NEGR1: variants seen among roughly 807,000 people sequenced by gnomAD.
The protein encoded by NEGR1 is neuronal growth regulator 1, also known as IgLON family member 4.
Under a neutral mutation model 40.9 loss-of-function variants are expected in NEGR1, and 10 were observed. The ratio of observed to expected loss-of-function variants is 0.24; its 90% CI spans 0.15 to 0.42. NEGR1 has a LOEUF of 0.42. Ranked by LOEUF, NEGR1 falls within the 10% of genes least tolerant of loss-of-function variation. The pLI is 1.00. For missense variants in NEGR1, 352 were observed against 438.9 expected, an observed-to-expected ratio of 0.80 and a Z score of 1.77; for synonymous variants, 185 against 166.8, an observed-to-expected ratio of 1.11 and a Z score of -0.84.
intron 4 of NEGR1, among the ~76,000 whole-genome samples, chr1:71,655,816 G>A (rs965654832): frequency 6.6e-6 from 1 of 152,160 alleles, no homozygotes; most frequent in Non-Finnish European, 1.5e-5. Flanking sequence ...AGGCATCACA[G>A]AGGGAAAGTA....
chr1:71,782,360 A>AT (rs1247105868), intron 2 of NEGR1, among the ~76,000 whole-genome samples: 1 of 152,214 alleles, frequency 6.6e-6, no homozygotes, highest in Non-Finnish European at 1.5e-5. Flanking sequence ...AGTTTATGGC[A>AT]TTTTTTATAG....
chr1:72,143,282 C>T lies in NEGR1; in HGVS notation c.176+139037G>A, dbSNP rs931923656. ...TGCCAGCAATTATTTTTACTAAGTC[C>T]GAACCCCAGAATATGATAAAGTTTT... On this transcript the variant is annotated intron_variant, in intron 1 of 6. Coordinates refer to ENST00000357731, the MANE Select transcript of NEGR1 (RefSeq NM_173808.3). 1.7e-4 allele frequency among the ~76,000 whole-genome samples: 26 copies of T among 151,812 alleles called. 1 individual carries two copies. In the East Asian group the frequency reaches 3.1e-3, roughly 18 times the overall value.
At chr1:72,252,790 A>G (rs1334595243) in intron 1 of NEGR1, among the ~76,000 whole-genome samples, 1 of 152,204 alleles carries the variant, frequency 6.6e-6, no homozygotes, top group Non-Finnish European at 1.5e-5. Context: ...AAAGCAGTAT[A>G]TGATTTATAC....
Position 71,841,076 on chromosome 1 carries a change from C to CTA in NEGR1, c.410-64781_410-64780dup, listed in dbSNP as rs1018843572. 5.1e-4 allele frequency among the ~76,000 whole-genome samples: 78 copies of CTA among 151,626 alleles called. 1 individual carries two copies. Among genetic ancestry groups the CTA allele is most frequent in the African/African-American group, 1.8e-3 (74 of 41,350 alleles). ...TTAAGGTATATCTCTTTCTCTCTCT[C>CTA]TATATATATACACATCCTATTAGTT... On this transcript the variant is annotated intron_variant, in intron 2 of 6. Transcript: ENST00000357731.
intron 1 of NEGR1, among the ~76,000 whole-genome samples, chr1:72,117,385 G>A (rs955669431): frequency 2.0e-5 from 3 of 151,784 alleles, no homozygotes; most frequent in Non-Finnish European, 4.4e-5. Context: ...TACCAGCAGT[G>A]TTCTGAACAC....
At chr1:71,818,627 C>A (rs1460829437) in intron 2 of NEGR1, among the ~76,000 whole-genome samples, 1 of 151,952 alleles carries the variant, frequency 6.6e-6, no homozygotes, top group African/African-American at 2.4e-5. Context: ...CACCAAACTT[C>A]TGTGAAGTGC....
intron 1 of NEGR1, among the ~76,000 whole-genome samples, chr1:72,107,646 T>C (rs1213906557): frequency 6.6e-6 from 1 of 151,470 alleles, no homozygotes; most frequent in African/African-American, 2.4e-5. Context: ...AATGTGTTTA[T>C]TTAAATAAAT....
At chr1:71,549,677 GC>G (rs1648012884) in intron 6 of NEGR1, among the ~76,000 whole-genome samples, 1 of 151,688 alleles carries the variant, frequency 6.6e-6, no homozygotes, top group African/African-American at 2.4e-5. Flanking sequence ...AAAACCCAAA[GC>G]CCCATGCTCT....
chr1:71,989,648 G>A (rs11802650), intron 1 of NEGR1, among the ~76,000 whole-genome samples: 23,394 of 151,942 alleles, frequency 0.15, 2,046 homozygotes, highest in African/African-American at 0.24. Flanking sequence ...AAGCATATGT[G>A]TGACCATAAA....
intron 6 of NEGR1, chr1:71,407,798 C>A: frequency 4.4e-6 from 2 of 458,586 alleles, no homozygotes; most frequent in Non-Finnish European, 4.0e-6. Flanking sequence ...ATAATAGAAT[C>A]CACCTCACAG....
intron 1 of NEGR1, among the ~76,000 whole-genome samples, chr1:71,946,845 T>C (rs1480189170): frequency 6.6e-6 from 1 of 151,884 alleles, no homozygotes; most frequent in Non-Finnish European, 1.5e-5. Flanking sequence ...TGTCCAGCAC[T>C]TTGGAAGGCT....
At chr1:71,707,857 G>A (rs566004145) in intron 3 of NEGR1, among the ~76,000 whole-genome samples, 1 of 152,278 alleles carries the variant, frequency 6.6e-6, no homozygotes, top group Admixed American at 6.5e-5. Context: ...AAGAGCTTCT[G>A]TCTGGCAATT....
chr1:72,151,656 A>T (rs933686884), intron 1 of NEGR1, among the ~76,000 whole-genome samples: 2 of 151,878 alleles, frequency 1.3e-5, no homozygotes, highest in African/African-American at 4.8e-5. Context: ...TCAACGGGAA[A>T]TATAATAATT....
chr1:71,438,724 G>C (rs967347657), intron 6 of NEGR1, among the ~76,000 whole-genome samples: 2 of 152,208 alleles, frequency 1.3e-5, no homozygotes, highest in African/African-American at 4.8e-5. Flanking sequence ...AAGAAGCCTA[G>C]TAATCTTACA....
Position 71,909,420 on chromosome 1 carries a change from C to T in NEGR1, c.409+25659G>A, listed in dbSNP as rs1011500206. On this transcript the variant is annotated intron_variant, in intron 2 of 6. Transcript: ENST00000357731. Reference sequence around the variant, plus strand: ...CTAAACCATAGCCTTTTAATGTTTCCGGTGTTCGTTGAATGTGATTGCTTT... The same window carrying T: ...CTAAACCATAGCCTTTTAATGTTTCTGGTGTTCGTTGAATGTGATTGCTTT... Among the ~76,000 whole-genome samples, 10 of 152,058 alleles carry T rather than the reference C, an allele frequency of 6.6e-5. No homozygotes were observed. In the East Asian group the frequency reaches 1.3e-3, roughly 20 times the overall value.
intron 6 of NEGR1, among the ~76,000 whole-genome samples, chr1:71,533,858 G>T (rs1647433788): frequency 6.6e-6 from 1 of 151,630 alleles, no homozygotes; most frequent in African/African-American, 2.4e-5. Flanking sequence ...AAGGAATAAA[G>T]CAAATACCAG....
intron 6 of NEGR1, among the ~76,000 whole-genome samples, chr1:71,532,195 AG>A (rs1231949738): frequency 6.6e-6 from 1 of 151,578 alleles, no homozygotes; most frequent in Non-Finnish European, 1.5e-5. Flanking sequence ...AACGAGAAAA[AG>A]GTTGTTTCTA....
chr1:72,026,953 T>C (rs1442440542), intron 1 of NEGR1, among the ~76,000 whole-genome samples: 7 of 151,964 alleles, frequency 4.6e-5, no homozygotes, highest in Non-Finnish European at 8.8e-5. Context: ...TGAGACGGAG[T>C]CTTGCTCTGT....
At chr1:71,609,367 A>C (rs937461078) in intron 5 of NEGR1, among the ~76,000 whole-genome samples, 1 of 150,768 alleles carries the variant, frequency 6.6e-6, no homozygotes, top group Middle Eastern at 3.4e-3. Context: ...TACAAAAAAT[A>C]AGCCGGGCGT....
Sources: gnomAD v4.1 joint callset for allele counts (sites outside exome capture counted in the v4.1 genomes callset) on GRCh38, gnomAD v4.1.1 for gene constraint, MANE v1.5 for transcripts, NCBI Gene and HGNC (gene_info 2026-07-23, HGNC 2026-07-21) for gene names.